The following ADH6 variants were observed in gnomAD, a reference collection of about 807,000 sequenced individuals.
ADH6 encodes the protein alcohol dehydrogenase 6.
ADH6 carries 34 observed loss-of-function variants against 36.5 expected under a neutral mutation model. The ratio of observed to expected loss-of-function variants is 0.93; its 90% CI spans 0.71 to 1.24. ADH6 has a LOEUF of 1.24. Among genes scored for constraint, ADH6 ranks in the 50% most tolerant of loss-of-function variants. ADH6 has a pLI of 0.00. For synonymous variants in ADH6, 161 were observed against 155.5 expected (o/e 1.04, Z -0.26); for missense variants, 440 against 447.0 (o/e 0.98, Z 0.14).
intron 7 of ADH6, among the ~76,000 whole-genome samples, chr4:99,205,534 A>C (rs1267638969): frequency 6.6e-6 from 1 of 152,144 alleles, no homozygotes; most frequent in Non-Finnish European, 1.5e-5. Context: ...CTGTGGCAGC[A>C]GTCCCAGTGA....
rs1164312334 is a variant in ADH6 at position 99,205,903 on chromosome 4, A to G, written c.965-840T>C. 3.3e-5 allele frequency among the ~76,000 whole-genome samples: 5 copies of G among 152,206 alleles called. No individual in the cohort carries two copies. The South Asian group carries it at 8.3e-4, about 25-fold the overall frequency. On this transcript the variant is annotated intron_variant, in intron 7 of 8. Coordinates refer to ENST00000394899, the MANE Select transcript of ADH6 (RefSeq NM_001102470.2). ...GTTCTAGCTTAGGTTAGGCTCCCCA[A>G]CTTCTTCTCCAAACTACCACAAACT...
Position 99,205,060 on chromosome 4 carries a change from C to T in ADH6, c.968G>A (p.Trp323Ter). Reference protein sequence around the residue: ...RSLKGSVFGGWKSRQHIPKLV... With the variant: ...RSLKGSVFGG Reference sequence around the variant, plus strand: ...TTTAGGGATGTGCTGTCTGCTCTTCCAGCCTGGAAATACAGATTAATGATG... The same window carrying T: ...TTTAGGGATGTGCTGTCTGCTCTTCTAGCCTGGAAATACAGATTAATGATG... The change falls in exon 8 of 9, where the codon TGG (tryptophan) becomes TAG (stop). Residue 323 changes from tryptophan (W) to a stop codon, truncating the protein, a stop_gained. Transcript: ENST00000394899. LOFTEE classifies it high-confidence loss of function. 6.4e-7 allele frequency: 1 copy of T among 1,567,552 alleles called. No homozygotes were observed.
At chr4:99,211,624 G>A (rs571723225) in intron 3 of ADH6, among the ~76,000 whole-genome samples, 24 of 152,284 alleles carry the variant, frequency 1.6e-4, no homozygotes, top group African/African-American at 5.8e-4. Context: ...CTCTGTAGAT[G>A]TAACTAAGTT....
At chr4:99,208,956 A>C in intron 5 of ADH6, 28 bp from the exon 6 acceptor site, 1 of 1,591,274 alleles carries the variant, frequency 6.3e-7, no homozygotes, top group Admixed American at 1.8e-5. Context: ...GAAAACTCAG[A>C]AAACAAAAAG....
At chr4:99,208,306 A>G (rs1279279578) in intron 6 of ADH6, 1 of 165,452 alleles carries the variant, frequency 6.0e-6, no homozygotes, top group Non-Finnish European at 1.3e-5. Context: ...TTTCCCCTTC[A>G]TTTTTGAAAT....
intron 3 of ADH6, among the ~76,000 whole-genome samples, chr4:99,210,917 A>T (rs976941738): frequency 1.1e-4 from 16 of 152,128 alleles, no homozygotes; most frequent in Non-Finnish European, 2.2e-4. Context: ...GGGAGAAAAA[A>T]AATTGCTTCT....
rs1290487527 is a variant in ADH6 at position 99,213,729 on chromosome 4, A to G, written c.139T>C (p.Cys47Arg). 9.9e-6 allele frequency: 16 copies of G among 1,612,066 alleles called. No individual in the cohort carries two copies. The highest frequency in any genetic ancestry group is 1.3e-5 in the African/African-American group (1 of 74,968). ...VRIKVVATGL[C>R]GTEMKVLGSK... ...CCCAACACTTTCATCTCTGTACCAC[A>G]CAGTCCGGTGGCCACAACCTGTATG... Residue 47 changes from cysteine to arginine, a missense_variant, in exon 3 of 9, where the codon TGT becomes CGT. By Grantham distance (180) the Cys-to-Arg change is radical (BLOSUM62 -3). Coordinates refer to ENST00000394899, the MANE Select transcript of ADH6 (RefSeq NM_001102470.2).
At position 99,204,408 on chromosome 4, in the gene ADH6, T is replaced by C. The variant is rs1277575046; in HGVS notation, c.1104-165A>G. On this transcript the variant is annotated intron_variant, in intron 8 of 8. Transcript: ENST00000394899. Reference sequence around the variant, plus strand: ...CATGGGAAGATTTTTTAAAATGACATGAAACTCCAAGGGTAAAAAGTAGGT... The same window carrying C: ...CATGGGAAGATTTTTTAAAATGACACGAAACTCCAAGGGTAAAAAGTAGGT... 13 of 1,414,036 alleles carry C rather than the reference T, an allele frequency of 9.2e-6. No individual in the cohort carries two copies. The East Asian group carries it at 3.4e-4, about 37-fold the overall frequency. The allele number at this position is 1,414,036 out of a possible 1,614,324, so 87.6% of individuals were successfully genotyped here.
intron 3 of ADH6, among the ~76,000 whole-genome samples, chr4:99,212,587 C>A (rs1245675516): frequency 6.6e-6 from 1 of 151,918 alleles, no homozygotes; most frequent in Non-Finnish European, 1.5e-5. Context: ...CTTATTTTTC[C>A]TATCTAGCAG....
chr4:99,204,239 G>T lies in ADH6; in HGVS notation c.1108C>A (p.Arg370Ser). 6.2e-7 allele frequency: 1 copy of T among 1,600,038 alleles called. No individual in the cohort carries two copies. Among genetic ancestry groups the T allele is most frequent in the Non-Finnish European group, 8.5e-7 (1 of 1,177,896 alleles). ...VELMKTGKCIRCILLL is the reference protein window; with the variant it reads ...VELMKTGKCISCILLL Reference sequence around the variant, plus strand: ...TGTACTTAAAGTAACAGGATACAGCGGATACTGAAAAAAAGAAGAAGAGAA... The same window carrying T: ...TGTACTTAAAGTAACAGGATACAGCTGATACTGAAAAAAAGAAGAAGAGAA... The change falls in exon 9 of 9, where the codon CGC becomes AGC. Residue 370 changes from arginine (R) to serine (S), a missense_variant. Transcript: ENST00000394899.
intron 3 of ADH6, 79 bp downstream of exon 3, chr4:99,213,527 A>G: frequency 7.5e-7 from 1 of 1,327,698 alleles, no homozygotes; most frequent in Admixed American, 2.6e-5. Flanking sequence ...TGATCCTGAC[A>G]TACTTAAGGG....
chr4:99,204,030 G>C lies in ADH6; in HGVS notation c.*189C>G. 1 of 605,510 alleles carries C rather than the reference G, an allele frequency of 1.7e-6. No individual in the cohort carries two copies. The highest frequency in any genetic ancestry group is 3.8e-5 in the Admixed American group (1 of 26,048). 37.5% of individuals were successfully genotyped at this position (605,510 alleles called of 1,614,324 possible). A position where few individuals can be genotyped will look rare whatever the true frequency, so the allele number is the denominator to read the frequency against. ...AAGGAGGCTGATCCTTGGTGACACT[G>C]GGTTACGTAAGAACAATTTTGATGA... On this transcript the variant is annotated 3_prime_UTR_variant, in exon 9 of 9. Transcript: ENST00000394899.
At chr4:99,205,524 CT>C (rs1730998599) in intron 7 of ADH6, among the ~76,000 whole-genome samples, 1 of 152,088 alleles carries the variant, frequency 6.6e-6, no homozygotes, top group Non-Finnish European at 1.5e-5. Flanking sequence ...AGAACTCTCA[CT>C]GTGGCAGCAG....
intron 7 of ADH6, among the ~76,000 whole-genome samples, chr4:99,205,921 C>T (rs1480935094): frequency 2.6e-5 from 4 of 152,052 alleles, no homozygotes; most frequent in African/African-American, 4.8e-5. Flanking sequence ...TCCAAACTAC[C>T]ACAAACTCTT....
chr4:99,217,694 T>C (rs1418652535), intron 1 of ADH6, among the ~76,000 whole-genome samples: 1 of 152,232 alleles, frequency 6.6e-6, no homozygotes, highest in Non-Finnish European at 1.5e-5. Context: ...AGTTCAGGTA[T>C]ACCTTTAATA....
intron 2 of ADH6, among the ~76,000 whole-genome samples, chr4:99,214,492 C>T (rs1731334407): frequency 2.0e-5 from 3 of 152,072 alleles, no homozygotes; most frequent in African/African-American, 7.2e-5. Context: ...TACAAGTGAG[C>T]TTTATAGTTT....
chr4:99,208,849 C>G lies in ADH6; in HGVS notation c.647G>C (p.Gly216Ala). Residue 216 changes from glycine to alanine, a missense_variant, in exon 6 of 9, where the codon GGA becomes GCA. By Grantham distance (60) the Gly-to-Ala change is moderately conservative. Coordinates refer to ENST00000394899, the MANE Select transcript of ADH6 (RefSeq NM_001102470.2). ...ATCCACTCCAATGATCCTGGCTGCT[C>G]CTGCTGCTTTACAACCCATGACAAC... ...LSVVMGCKAA[G>A]AARIIGVDVN... 6.2e-7 allele frequency: 1 copy of G among 1,613,792 alleles called. No homozygotes were observed. Among genetic ancestry groups the G allele is most frequent in the Non-Finnish European group, 8.5e-7 (1 of 1,179,798 alleles).
chr4:99,204,342 T>TTACTC, intron 8 of ADH6, 99 bp from the exon 9 acceptor site: 1 of 1,508,124 alleles, frequency 6.6e-7, no homozygotes, highest in Non-Finnish European at 8.8e-7. Flanking sequence ...TAAACTAGAT[T>TTACTC]TTTTTTCTCT....
At chr4:99,211,863 A>G (rs1007374450) in intron 3 of ADH6, among the ~76,000 whole-genome samples, 4 of 152,136 alleles carry the variant, frequency 2.6e-5, no homozygotes, top group African/African-American at 9.7e-5. Flanking sequence ...TGGTGAGGAA[A>G]TAAGGATCTC....
Sources: allele counts gnomAD v4.1 joint callset (sites outside exome capture counted in the v4.1 genomes callset), GRCh38; gene constraint gnomAD v4.1.1; transcripts MANE v1.5; gene names NCBI Gene and HGNC (gene_info 2026-07-23, HGNC 2026-07-21).